RARS2: variants seen among roughly 807,000 people sequenced by gnomAD.
RARS2 encodes the protein arginyl-tRNA synthetase 2, mitochondrial, also known as probable arginine--tRNA ligase, mitochondrial.
Under a neutral mutation model 88.5 loss-of-function variants are expected in RARS2, and 67 were observed. The ratio of observed to expected loss-of-function variants is 0.76; its 90% CI spans 0.62 to 0.93. The LOEUF (loss-of-function observed/expected upper bound fraction) is 0.93. Among genes scored for constraint, RARS2 ranks in the 40% least tolerant of loss-of-function variants. The pLI is 0.00. For synonymous variants in RARS2, 239 were observed against 230.3 expected (o/e 1.04, Z -0.34); for missense variants, 664 against 684.2 (o/e 0.97, Z 0.33).
At chr6:87,539,136 C>CT (rs1238145781) in intron 8 of RARS2, among the ~76,000 whole-genome samples, 1 of 152,016 alleles carries the variant, frequency 6.6e-6, no homozygotes, top group Non-Finnish European at 1.5e-5. Context: ...TAAATAAAAA[C>CT]TTTTGAGGTG....
intron 1 of RARS2, among the ~76,000 whole-genome samples, chr6:87,578,599 A>G (rs1221480464): frequency 6.6e-6 from 1 of 152,274 alleles, no homozygotes; most frequent in East Asian, 1.9e-4. Flanking sequence ...TAAGCCTAGG[A>G]TGGTGGTGAG....
rs192494578 is a variant in RARS2, at chr6:87,542,803, G to A, written c.536-809C>T. On this transcript the variant is annotated intron_variant, in intron 7 of 19. Transcript: ENST00000369536. ...CGTTAGAAAGGATATATGCAGCCTG[G>A]GTTAAGAGGAATATTAGTTGGGAGG... 6.0e-4 allele frequency among the ~76,000 whole-genome samples: 86 copies of A among 143,258 alleles called. 1 individual carries two copies. The highest frequency in any genetic ancestry group is 3.0e-4 in the Non-Finnish European group (20 of 66,140). The allele number at this position is 143,258 out of a possible 152,430, so 94.0% of individuals were successfully genotyped here.
rs373431402 is a variant in RARS2 at position 87,587,222 on chromosome 6, C to T, written c.36+2700G>A. Among the ~76,000 whole-genome samples, 385 of 152,294 alleles carry T rather than the reference C, an allele frequency of 2.5e-3. 1 individual carries two copies. The highest frequency in any genetic ancestry group is 8.9e-3 in the African/African-American group (370 of 41,568). On this transcript the variant is annotated intron_variant, in intron 1 of 19. Transcript: ENST00000369536. ...ATCTGGAATTCTCCAATGAACATTT[C>T]CAATTTCCAATTGAGCTCCAATGAA... is the stretch of plus-strand genomic sequence containing the variant.
chr6:87,559,463 C>CCAAAAAA (rs1394106691), intron 4 of RARS2, among the ~76,000 whole-genome samples: 1 of 93,296 alleles, frequency 1.1e-5, no homozygotes, highest in African/African-American at 3.8e-5. Context: ...AACTCTGTCT[C>CCAAAAAA]AAAAAAAAAA....
intron 1 of RARS2, among the ~76,000 whole-genome samples, chr6:87,587,472 C>T (rs1775518495): frequency 6.6e-6 from 1 of 152,172 alleles, no homozygotes; most frequent in Non-Finnish European, 1.5e-5. Flanking sequence ...GCATAATTTA[C>T]ACTGCTGTAT....
intron 3 of RARS2, among the ~76,000 whole-genome samples, chr6:87,563,341 C>T (rs1441258084): frequency 2.0e-5 from 3 of 152,168 alleles, no homozygotes; most frequent in Non-Finnish European, 4.4e-5. Context: ...TAAGAACTTA[C>T]AAGAAATGGG....
At chr6:87,529,429 A>G in intron 10 of RARS2, 113 bp downstream of exon 10, 1 of 771,360 alleles carries the variant, frequency 1.3e-6, no homozygotes, top group Non-Finnish European at 2.3e-6. Flanking sequence ...AAAGCACTAT[A>G]AAAAATCCCA....
chr6:87,546,282 A>C (rs188970405), intron 6 of RARS2, among the ~76,000 whole-genome samples: 42 of 152,262 alleles, frequency 2.8e-4, no homozygotes, highest in African/African-American at 9.4e-4. Flanking sequence ...TGAAAATGTA[A>C]AAAGTACAAT....
Position 87,545,649 on chromosome 6 carries a change from TTC to T in RARS2, c.500_501del (p.Arg167AsnfsTer24). The T allele has an allele frequency of 6.2e-7, 1 of 1,613,836 alleles. No homozygotes were observed. Among genetic ancestry groups the T allele is most frequent in the Non-Finnish European group, 8.5e-7 (1 of 1,179,894 alleles). ...ATGCCCCAATCGCCAAGGTAATTTA[TTC>T]TTATTACTTGATGTCCTAAAGCTTC... ...LKEALGHQVI[R>X]INYLGDWGMQ... is the part of the protein sequence containing the mutation. On this transcript the variant is annotated frameshift_variant, in exon 7 of 20. Coordinates refer to ENST00000369536, the MANE Select transcript of RARS2 (RefSeq NM_020320.5). LOFTEE classifies it high-confidence loss of function.
chr6:87,576,094 C>CCGGCCAACA (rs1342312828), intron 1 of RARS2, among the ~76,000 whole-genome samples: 110 of 121,724 alleles, frequency 9.0e-4, no homozygotes, highest in African/African-American at 1.1e-3. Context: ...GCCAATGCGC[C>CCGGCCAACA]CAGCTGGATA....
intron 2 of RARS2, among the ~76,000 whole-genome samples, chr6:87,565,011 T>A (rs1266200880): frequency 6.6e-6 from 1 of 152,282 alleles, no homozygotes; most frequent in East Asian, 1.9e-4. Flanking sequence ...TGAGCTGAGA[T>A]CATGCCACTG....
Position 87,565,741 on chromosome 6 carries a change from A to G in RARS2, c.111-1509T>C, listed in dbSNP as rs114372337. ...AAGCATCTATATAACTACTCACACTAATTTATCTTCTGGTGTTTAATATGG... is the reference window on the plus strand; with the variant it reads ...AAGCATCTATATAACTACTCACACTGATTTATCTTCTGGTGTTTAATATGG... On this transcript the variant is annotated intron_variant, in intron 2 of 19. Transcript: ENST00000369536. 4.3e-3 allele frequency among the ~76,000 whole-genome samples: 660 copies of G among 152,292 alleles called. 3 individuals carry two copies. Among genetic ancestry groups the G allele is most frequent in the African/African-American group, 0.015 (615 of 41,568 alleles).
In RARS2 at chr6:87,577,753, G is replaced by C. The variant is rs1184981428; in HGVS notation, c.37-8163C>G. On this transcript the variant is annotated intron_variant, in intron 1 of 19. Coordinates refer to ENST00000369536, the MANE Select transcript of RARS2 (RefSeq NM_020320.5). ...CCAACATAAATTGGTAAAGGTGGAA[G>C]AAAATTATATCATTTGTGAGAGTGC... 1.3e-5 allele frequency among the ~76,000 whole-genome samples: 2 copies of C among 152,182 alleles called. 1 individual carries two copies. Among genetic ancestry groups the C allele is most frequent in the South Asian group, 4.1e-4 (2 of 4,828 alleles).
chr6:87,540,772 T>C (rs1490192404), intron 8 of RARS2, among the ~76,000 whole-genome samples: 2 of 152,028 alleles, frequency 1.3e-5, no homozygotes. Context: ...GCTTTATTAA[T>C]AAACTTCAGG....
chr6:87,551,263 G>A (rs1473540472), intron 5 of RARS2, among the ~76,000 whole-genome samples: 1 of 152,050 alleles, frequency 6.6e-6, no homozygotes, highest in Non-Finnish European at 1.5e-5. Context: ...TATAATTTGG[G>A]CATCTTACTG....
chr6:87,588,979 A>C lies in RARS2; in HGVS notation c.36+943T>G, dbSNP rs539858425. Among the ~76,000 whole-genome samples, 180 of 152,330 alleles carry C rather than the reference A, an allele frequency of 1.2e-3. 2 individuals carry two copies. Among genetic ancestry groups the C allele is most frequent in the Non-Finnish European group, 9.4e-4 (64 of 68,036 alleles). ...AATGTCATGTTGGTGATATTTGGCG[A>C]ATTATCACCGGACAGGGCAGTACAT... is the stretch of plus-strand genomic sequence containing the variant. On this transcript the variant is annotated intron_variant, in intron 1 of 19. Transcript: ENST00000369536.
rs545377358 is a variant in RARS2 at position 87,589,943 on chromosome 6, A to G, written c.15T>C (p.Phe5=). MACG[F]RRAIACQLSR... ...ATACCTGGCAAGCAATAGCGCGGCGAAAGCCGCACGCCATGTCCACCTCTA... is the reference window on the plus strand; with the variant it reads ...ATACCTGGCAAGCAATAGCGCGGCGGAAGCCGCACGCCATGTCCACCTCTA... Residue 5 remains phenylalanine, a synonymous_variant, in exon 1 of 20, where the codon TTT becomes TTC. Transcript: ENST00000369536. 3.1e-6 allele frequency: 5 copies of G among 1,614,166 alleles called. No individual in the cohort carries two copies. Among genetic ancestry groups the G allele is most frequent in the South Asian group, 2.2e-5 (2 of 91,092 alleles).
At chr6:87,569,418 A>G (rs1768915449) in intron 2 of RARS2, 99 bp downstream of exon 2, 2 of 891,214 alleles carry the variant, frequency 2.2e-6, no homozygotes, top group Non-Finnish European at 1.9e-6. Context: ...TTCAAGGACT[A>G]TTCCACAAAC....
Position 87,515,037 on chromosome 6 carries a change from GA to G in RARS2, c.1587-18del. On this transcript the variant is annotated intron_variant, in intron 18 of 19. Coordinates refer to ENST00000369536, the MANE Select transcript of RARS2 (RefSeq NM_020320.5). The stretch of plus-strand genomic sequence containing the variant: ...GCAAGATGACTGAAACAGGAAGAGA[GA>G]AATCACGATAGTACCAGCAGTAATT... The G allele has an allele frequency of 1.3e-6, 2 of 1,597,308 alleles. No homozygotes were observed. Among genetic ancestry groups the G allele is most frequent in the Admixed American group, 3.3e-5 (2 of 60,006 alleles).
Sources: allele counts gnomAD v4.1 joint callset (sites outside exome capture counted in the v4.1 genomes callset), GRCh38; gene constraint gnomAD v4.1.1; transcripts MANE v1.5; gene names NCBI Gene and HGNC (gene_info 2026-07-23, HGNC 2026-07-21).